ATP9A: variants seen among roughly 807,000 people sequenced by gnomAD.
ATP9A encodes the protein probable phospholipid-transporting ATPase IIA.
ATP9A carries 52 observed loss-of-function variants against 144.1 expected under a neutral mutation model. The observed-to-expected ratio is 0.36, with a 90% CI of 0.29 to 0.45. The LOEUF is 0.45. Among genes scored for constraint, ATP9A ranks in the 20% least tolerant of loss-of-function variants. The pLI is 1.00. For synonymous variants in ATP9A, 582 were observed against 557.4 expected (o/e 1.04, Z -0.62); for missense variants, 947 against 1,392.7 (o/e 0.68, Z 5.09).
intron 14 of ATP9A, among the ~76,000 whole-genome samples, chr20:51,652,722 G>A (rs778294671): frequency 1.3e-5 from 2 of 152,094 alleles, no homozygotes; most frequent in Non-Finnish European, 2.9e-5. Context: ...AAGATTATGG[G>A]CTACTTTTTA....
At chr20:51,686,182 C>T (rs1289699417) in intron 9 of ATP9A, among the ~76,000 whole-genome samples, 2 of 151,988 alleles carry the variant, frequency 1.3e-5, no homozygotes, top group Admixed American at 6.6e-5. Context: ...CACTTGGACA[C>T]AGGGTGGGGA....
intron 11 of ATP9A, among the ~76,000 whole-genome samples, chr20:51,673,669 G>C (rs1221611822): frequency 6.6e-6 from 1 of 152,138 alleles, no homozygotes; most frequent in African/African-American, 2.4e-5. Flanking sequence ...GCTTGTGGAG[G>C]AATGTGATCT....
chr20:51,750,481 A>C (rs1259631099), intron 1 of ATP9A, among the ~76,000 whole-genome samples: 3 of 152,306 alleles, frequency 2.0e-5, no homozygotes, highest in East Asian at 1.9e-4. Flanking sequence ...GCACGAGCCC[A>C]AAAAATTCCA....
chr20:51,669,121 G>A (rs963104859), intron 13 of ATP9A, among the ~76,000 whole-genome samples: 4 of 152,148 alleles, frequency 2.6e-5, no homozygotes, highest in African/African-American at 9.7e-5. Context: ...CCTTGGATGT[G>A]CCTCAGAATT....
At chr20:51,672,842 C>T (rs899491695) in intron 11 of ATP9A, among the ~76,000 whole-genome samples, 1 of 151,516 alleles carries the variant, frequency 6.6e-6, no homozygotes, top group Non-Finnish European at 1.5e-5. Flanking sequence ...TGATGGGACA[C>T]ACATACAAGT....
At chr20:51,736,507 T>G (rs1026052850) in intron 1 of ATP9A, among the ~76,000 whole-genome samples, 6 of 60,076 alleles carry the variant, frequency 1.0e-4, no homozygotes, top group African/African-American at 2.8e-4. Context: ...TTTTTTTGTC[T>G]TTTGTTTTTG....
intron 1 of ATP9A, among the ~76,000 whole-genome samples, chr20:51,745,970 C>A (rs999735998): frequency 7.9e-5 from 12 of 152,150 alleles, no homozygotes; most frequent in African/African-American, 2.9e-4. Context: ...AAATGTAGTA[C>A]ATATGCACAT....
At chr20:51,636,972 TC>T (rs779882441) in intron 15 of ATP9A, among the ~76,000 whole-genome samples, 3 of 152,170 alleles carry the variant, frequency 2.0e-5, no homozygotes, top group East Asian at 1.9e-4. Context: ...ACGCCTGTAA[TC>T]CCAGCTACTC....
chr20:51,705,959 T>G (rs2077613011), intron 4 of ATP9A, among the ~76,000 whole-genome samples: 1 of 152,166 alleles, frequency 6.6e-6, no homozygotes, highest in Non-Finnish European at 1.5e-5. Flanking sequence ...CCATAAAAAC[T>G]CATAAAGGTC....
chr20:51,653,515 G>A (rs71351235), intron 14 of ATP9A, among the ~76,000 whole-genome samples: 2,668 of 152,220 alleles, frequency 0.018, 38 homozygotes, highest in Non-Finnish European at 0.028. Context: ...CGCTGGGTGC[G>A]GTGGTTACGC....
intron 1 of ATP9A, among the ~76,000 whole-genome samples, chr20:51,765,972 T>G (rs569057835): frequency 3.9e-4 from 60 of 152,132 alleles, no homozygotes; most frequent in African/African-American, 1.4e-3. Context: ...AAAGAAAGAT[T>G]AGTTCCAAAG....
At chr20:51,622,229 T>C in intron 18 of ATP9A, 57 bp from the exon 19 acceptor site, 1 of 1,403,278 alleles carries the variant, frequency 7.1e-7, no homozygotes, top group South Asian at 1.2e-5. Context: ...CGGCCTGTCA[T>C]CTGCAACAGC....
chr20:51,602,970 C>A (rs908158472), intron 27 of ATP9A, among the ~76,000 whole-genome samples: 3 of 152,126 alleles, frequency 2.0e-5, no homozygotes, highest in South Asian at 4.2e-4. Flanking sequence ...TCCACACCAC[C>A]CCCACTGAGA....
chr20:51,661,173 T>G (rs1043207151), intron 13 of ATP9A, among the ~76,000 whole-genome samples: 6 of 152,164 alleles, frequency 3.9e-5, no homozygotes, highest in African/African-American at 1.2e-4. Flanking sequence ...CCCTTTCCCA[T>G]TAGTAATCCA....
chr20:51,666,234 G>A (rs1225808840), intron 13 of ATP9A, among the ~76,000 whole-genome samples: 2 of 152,160 alleles, frequency 1.3e-5, no homozygotes, highest in East Asian at 3.8e-4. Context: ...TCTGAACAGG[G>A]ATGAACCTCA....
chr20:51,723,685 T>C (rs2077699750), intron 3 of ATP9A, among the ~76,000 whole-genome samples: 1 of 150,374 alleles, frequency 6.7e-6, no homozygotes, highest in African/African-American at 2.4e-5. Context: ...GTCTCCTGAG[T>C]AGCTGGGACT....
intron 27 of ATP9A, among the ~76,000 whole-genome samples, chr20:51,602,441 G>A (rs1415552811): frequency 6.6e-6 from 1 of 152,176 alleles, no homozygotes; most frequent in African/African-American, 2.4e-5. Context: ...TGAGCTTCCT[G>A]AGCAGGGGCC....
intron 1 of ATP9A, among the ~76,000 whole-genome samples, chr20:51,731,589 G>C (rs2077741578): frequency 6.6e-6 from 1 of 151,826 alleles, no homozygotes; most frequent in Admixed American, 6.6e-5. Flanking sequence ...TGTGGTGGCA[G>C]ACGCCTATAA....
At chr20:51,713,146 T>A (rs2077647345) in intron 3 of ATP9A, 72 bp from the exon 4 acceptor site, 1 of 1,419,130 alleles carries the variant, frequency 7.0e-7, no homozygotes, top group Admixed American at 1.9e-5. Context: ...CCCCTCCTGG[T>A]GCCAGGGGCA....
Sources: allele counts gnomAD v4.1 joint callset (sites outside exome capture counted in the v4.1 genomes callset), GRCh38; gene constraint gnomAD v4.1.1; transcripts MANE v1.5; gene names NCBI Gene and HGNC (gene_info 2026-07-23, HGNC 2026-07-21).